The following GK5 variants were observed in gnomAD, a reference collection of about 807,000 sequenced individuals.
GK5 encodes glycerol kinase 5, also known as ATP:glycerol 3-phosphotransferase 5.
GK5 carries 39 observed loss-of-function variants against 77.3 expected under a neutral mutation model. The observed-to-expected ratio is 0.50, with a 90% CI of 0.39 to 0.66. GK5 has a LOEUF of 0.66. Among genes scored for constraint, GK5 ranks in the 30% least tolerant of loss-of-function variants. The pLI is 0.00. For synonymous variants in GK5, 211 were observed against 208.0 expected (o/e 1.01, Z -0.13); for missense variants, 487 against 633.8 (o/e 0.77, Z 2.49).
At chr3:142,214,787 CTG>C (rs1298592181) in intron 2 of GK5, among the ~76,000 whole-genome samples, 1 of 152,068 alleles carries the variant, frequency 6.6e-6, no homozygotes, top group East Asian at 1.9e-4. Context: ...GAAAACAGTG[CTG>C]TGTTAATGTT....
chr3:142,166,287 A>G (rs2063472075), intron 15 of GK5, among the ~76,000 whole-genome samples: 1 of 152,174 alleles, frequency 6.6e-6, no homozygotes, highest in South Asian at 2.1e-4. Flanking sequence ...AGAAAGAAAT[A>G]GGATATTTTC....
chr3:142,171,518 A>T, intron 13 of GK5, 40 bp from the exon 14 acceptor site: 1 of 1,260,988 alleles, frequency 7.9e-7, no homozygotes, highest in Non-Finnish European at 1.1e-6. Flanking sequence ...AGAAATTCAT[A>T]TCATAATAAT....
intron 11 of GK5, among the ~76,000 whole-genome samples, chr3:142,179,417 C>T (rs1450755864): frequency 2.0e-5 from 3 of 152,134 alleles, no homozygotes; most frequent in Non-Finnish European, 2.9e-5. Flanking sequence ...AGTATGGTGG[C>T]GTGCCTGTAA....
chr3:142,213,949 A>G (rs1472500608), intron 2 of GK5, among the ~76,000 whole-genome samples: 1 of 152,072 alleles, frequency 6.6e-6, no homozygotes, highest in East Asian at 1.9e-4. Context: ...CAGCCTCCCA[A>G]ATAGCTGGGA....
chr3:142,171,345 T>C lies in GK5; in HGVS notation c.1307+74A>G. 13 of 1,295,154 alleles carry C rather than the reference T, an allele frequency of 1.0e-5. No individual in the cohort carries two copies. The Middle Eastern group carries it at 1.1e-3, about 114-fold the overall frequency. The allele number at this position is 1,295,154 out of a possible 1,614,324, so 80.2% of individuals were successfully genotyped here. On this transcript the variant is annotated intron_variant, in intron 14 of 15. Coordinates refer to ENST00000392993, the MANE Select transcript of GK5 (RefSeq NM_001039547.3). The stretch of plus-strand genomic sequence containing the variant: ...AATTATTCAGGATCTAAAAAAGAAA[T>C]GAGTGGTAGCTCATAGCAGCTACCA...
intron 11 of GK5, among the ~76,000 whole-genome samples, chr3:142,179,864 C>T (rs1311494296): frequency 1.3e-5 from 2 of 152,120 alleles, no homozygotes; most frequent in Non-Finnish European, 2.9e-5. Flanking sequence ...TGGGGACTCC[C>T]TGTTTTTATA....
chr3:142,184,131 G>A (rs148262258), intron 9 of GK5, among the ~76,000 whole-genome samples: 8,839 of 151,152 alleles, frequency 0.058, 535 homozygotes, highest in African/African-American at 0.15. Context: ...CGTGGTGGCA[G>A]GTGCCTGTAG....
chr3:142,220,181 A>G (rs1232385440), intron 1 of GK5, among the ~76,000 whole-genome samples: 2 of 152,186 alleles, frequency 1.3e-5, no homozygotes, highest in African/African-American at 2.4e-5. Context: ...TGTGTTGCCC[A>G]GGCTGGAGAG....
intron 4 of GK5, among the ~76,000 whole-genome samples, chr3:142,200,782 T>A (rs1407330454): frequency 6.6e-6 from 1 of 152,214 alleles, no homozygotes; most frequent in Non-Finnish European, 1.5e-5. Flanking sequence ...TTCATTCATA[T>A]ATCTAATGAG....
chr3:142,180,825 A>AG (rs1448424464), intron 11 of GK5, among the ~76,000 whole-genome samples: 1 of 152,214 alleles, frequency 6.6e-6, no homozygotes, highest in Non-Finnish European at 1.5e-5. Context: ...AAAGGAGCTC[A>AG]GGAAAAATTA....
chr3:142,206,427 A>G (rs1181998665), intron 3 of GK5, among the ~76,000 whole-genome samples: 1 of 152,196 alleles, frequency 6.6e-6, no homozygotes, highest in Non-Finnish European at 1.5e-5. Flanking sequence ...AACACTTGTT[A>G]TCTTCCTTTT....
chr3:142,211,379 T>C (rs954001798), intron 3 of GK5, among the ~76,000 whole-genome samples: 1 of 152,208 alleles, frequency 6.6e-6, no homozygotes, highest in African/African-American at 2.4e-5. Context: ...TCTGACAATA[T>C]ACTACTGTAT....
intron 2 of GK5, among the ~76,000 whole-genome samples, chr3:142,214,825 T>C (rs1390299384): frequency 6.6e-6 from 1 of 152,184 alleles, no homozygotes. Flanking sequence ...TATAATTGCA[T>C]TGTGGTTATA....
intron 10 of GK5, 59 bp downstream of exon 10, chr3:142,182,864 G>A: frequency 3.2e-6 from 4 of 1,232,908 alleles, no homozygotes; most frequent in Non-Finnish European, 4.7e-6. Context: ...TATCACAGAA[G>A]TTAAATATGA....
chr3:142,183,216 T>C (rs1357968766), intron 9 of GK5, 167 bp from the exon 10 acceptor site: 9 of 582,670 alleles, frequency 1.5e-5, no homozygotes, highest in South Asian at 2.4e-5. Flanking sequence ...GCAACAACCA[T>C]AGGATAGGAG....
At chr3:142,220,468 G>T (rs890581813) in intron 1 of GK5, among the ~76,000 whole-genome samples, 2 of 152,188 alleles carry the variant, frequency 1.3e-5, no homozygotes, top group African/African-American at 4.8e-5. Flanking sequence ...TGAGTGGGCA[G>T]ATGGTACATG....
chr3:142,160,016 T>TTTTGTA lies in GK5; in HGVS notation c.*5600_*5605dup, dbSNP rs2063414278. 1 of 152,144 alleles carries TTTTGTA rather than the reference T, an allele frequency of 6.6e-6. No individual in the cohort carries two copies. Among genetic ancestry groups the TTTTGTA allele is most frequent in the South Asian group, 2.1e-4 (1 of 4,826 alleles). 9.4% of individuals were successfully genotyped at this position (152,144 alleles called of 1,614,324 possible). A position where few individuals can be genotyped will look rare whatever the true frequency, so the allele number is the denominator to read the frequency against. ...GCACATGCCATCAGGACTGGCTAATTTTTGTATTTTTAGTAGAGATGGGGT... is the reference window on the plus strand; with the variant it reads ...GCACATGCCATCAGGACTGGCTAATTTTTGTATTTGTATTTTTAGTAGAGATGGGGT... On this transcript the variant is annotated 3_prime_UTR_variant, in exon 16 of 16. Coordinates refer to ENST00000392993, the MANE Select transcript of GK5 (RefSeq NM_001039547.3).
Position 142,184,760 on chromosome 3 carries a change from C to T in GK5, c.816+1169G>A, listed in dbSNP as rs964765098. 1.3e-4 allele frequency: 74 copies of T among 590,396 alleles called. No individual in the cohort carries two copies. The African/African-American group carries it at 1.4e-3, about 11-fold the overall frequency. 36.6% of individuals were successfully genotyped at this position (590,396 alleles called of 1,614,324 possible). A position where few individuals can be genotyped will look rare whatever the true frequency, so the allele number is the denominator to read the frequency against. Reference sequence around the variant, plus strand: ...CTGAGGCAGAAGAGTCACTTGAACCCGAGAGGCGGAGGTCACAGTGAGCCA... The same window carrying T: ...CTGAGGCAGAAGAGTCACTTGAACCTGAGAGGCGGAGGTCACAGTGAGCCA... On this transcript the variant is annotated intron_variant, in intron 9 of 15. Coordinates refer to ENST00000392993, the MANE Select transcript of GK5 (RefSeq NM_001039547.3).
At chr3:142,175,526 C>A (rs529535844) in intron 12 of GK5, among the ~76,000 whole-genome samples, 57 of 152,328 alleles carry the variant, frequency 3.7e-4, no homozygotes, top group African/African-American at 9.6e-4. Flanking sequence ...CTCATTTTCT[C>A]TAGTTGTTCA....
Sources: gnomAD v4.1 joint callset for allele counts (sites outside exome capture counted in the v4.1 genomes callset) on GRCh38, gnomAD v4.1.1 for gene constraint, MANE v1.5 for transcripts, NCBI Gene and HGNC (gene_info 2026-07-23, HGNC 2026-07-21) for gene names.